TMX1: variants seen among roughly 807,000 people sequenced by gnomAD.
TMX1 encodes the protein thioredoxin related transmembrane protein 1, also known as thioredoxin-related transmembrane protein 1.
In TMX1, 25 loss-of-function variants were observed where a neutral mutation model predicts 36.6. That is an observed-to-expected ratio of 0.68 (90% CI 0.50 to 0.95). TMX1 has a LOEUF of 0.95. Ranked by LOEUF, TMX1 falls within the 40% of genes least tolerant of loss-of-function variation. TMX1 has a pLI of 0.00. For synonymous variants in TMX1, 133 were observed against 118.0 expected (o/e 1.13, Z -0.82); for missense variants, 347 against 339.6 (o/e 1.02, Z -0.17).
intron 4 of TMX1, among the ~76,000 whole-genome samples, chr14:51,247,889 A>G (rs565912636): frequency 6.6e-6 from 1 of 152,290 alleles, no homozygotes; most frequent in Admixed American, 6.5e-5. Context: ...TCAAACTTGT[A>G]CTCATGCTAC....
intron 2 of TMX1, 94 bp downstream of exon 2, chr14:51,244,065 C>G (rs2065774686): frequency 9.5e-7 from 1 of 1,056,708 alleles, no homozygotes. Flanking sequence ...TTCTACCTTT[C>G]TTTAGGTTTT....
At chr14:51,242,299 G>T (rs7149337) in intron 1 of TMX1, among the ~76,000 whole-genome samples, 72,593 of 151,920 alleles carry the variant, frequency 0.48, 18,036 homozygotes, top group Non-Finnish European at 0.55. Flanking sequence ...GTTTTAGATC[G>T]TGCCTGTAAA....
rs1262263809 is a variant in TMX1, at chr14:51,254,437, A to G, written c.761A>G (p.Lys254Arg). The G allele has an allele frequency of 1.9e-6, 3 of 1,612,450 alleles. No homozygotes were observed. Among genetic ancestry groups the G allele is most frequent in the Non-Finnish European group, 2.5e-6 (3 of 1,179,374 alleles). The change falls in exon 8 of 8, where the codon AAA becomes AGA. Residue 254 changes from lysine (K) to arginine (R), a missense_variant. By Grantham distance (26) the Lys-to-Arg change is conservative. Coordinates refer to ENST00000457354, the MANE Select transcript of TMX1 (RefSeq NM_030755.5). ...EDVSEEEAES[K>R]EGTNKDFPQN... ...GTTTCAGAAGAAGAAGCTGAAAGTA[A>G]AGAAGGAACAAACAAAGACTTTCCA...
Position 51,243,935 on chromosome 14 carries a change from G to A in TMX1, c.232G>A (p.Val78Ile), listed in dbSNP as rs761444153. The A allele has an allele frequency of 1.7e-5, 28 of 1,612,146 alleles. No individual in the cohort carries two copies. The Middle Eastern group carries it at 6.6e-4, about 38-fold the overall frequency. Residue 78 changes from valine (V) to isoleucine (I), a missense_variant, in exon 2 of 8, where the codon GTT becomes ATT. Coordinates refer to ENST00000457354, the MANE Select transcript of TMX1 (RefSeq NM_030755.5). ...SFAEWGEDLE[V>I]NIAKVDVTEQ... ...TGCTGAATGGGGAGAAGATCTTGAG[G>A]TTAATATTGCGAAAGTAGATGTCAC...
At position 51,256,725 on chromosome 14, in the gene TMX1, C is replaced by A. The variant is rs558362553; in HGVS notation, c.*2206C>A. ...GGCTACATCTAACAGCTGCCATTTA[C>A]CAAGTACCTACTGGAGCTTTGTTGT... On this transcript the variant is annotated 3_prime_UTR_variant, in exon 8 of 8. Transcript: ENST00000457354. The A allele has an allele frequency of 6.6e-6, 1 of 152,118 alleles. No homozygotes were observed. Among genetic ancestry groups the A allele is most frequent in the Admixed American group, 6.5e-5 (1 of 15,268 alleles). The allele number at this position is 152,118 out of a possible 1,614,324, so 9.4% of individuals were successfully genotyped here. A position where few individuals can be genotyped will look rare whatever the true frequency, so the allele number is the denominator to read the frequency against.
chr14:51,256,903 TG>T lies in TMX1; in HGVS notation c.*2385del, dbSNP rs1368258105. 1 of 152,164 alleles carries T rather than the reference TG, an allele frequency of 6.6e-6. No individual in the cohort carries two copies. The highest frequency in any genetic ancestry group is 1.5e-5 in the Non-Finnish European group (1 of 68,024). 9.4% of individuals were successfully genotyped at this position (152,164 alleles called of 1,614,324 possible). ...ATCTTTTTTTGTTTGTTTTTGTTTT[TG>T]TTTTTTTTCTTCAGTGTGGGTACAT... is the stretch of plus-strand genomic sequence containing the variant. On this transcript the variant is annotated 3_prime_UTR_variant, in exon 8 of 8. Transcript: ENST00000457354.
intron 7 of TMX1, among the ~76,000 whole-genome samples, chr14:51,253,147 C>T (rs1257982474): frequency 6.6e-6 from 1 of 152,138 alleles, no homozygotes; most frequent in African/African-American, 2.4e-5. Flanking sequence ...GTTTCTCAGC[C>T]TTGACACTAT....
At chr14:51,244,021 T>C (rs1199791116) in intron 2 of TMX1, 50 bp downstream of exon 2, 3 of 1,440,500 alleles carry the variant, frequency 2.1e-6, no homozygotes, top group East Asian at 2.4e-5. Context: ...TGGGTTGATA[T>C]ATTTATCCTT....
At chr14:51,247,349 TTGA>T in intron 4 of TMX1, 129 bp downstream of exon 4, 1 of 864,948 alleles carries the variant, frequency 1.2e-6, no homozygotes, top group Non-Finnish European at 1.6e-6. Context: ...TATTACATGT[TTGA>T]TTTTTTTTTT....
chr14:51,246,655 T>A (rs900924502), intron 3 of TMX1, among the ~76,000 whole-genome samples: 2 of 152,242 alleles, frequency 1.3e-5, no homozygotes, highest in Non-Finnish European at 2.9e-5. Context: ...GCAGGGTGTC[T>A]GAGGTGATGC....
At chr14:51,247,032 C>A in intron 3 of TMX1, 60 bp from the exon 4 acceptor site, 1 of 1,464,754 alleles carries the variant, frequency 6.8e-7, no homozygotes. Context: ...GAAAAAATAG[C>A]AAAATAAATA....
intron 3 of TMX1, 67 bp downstream of exon 3, chr14:51,245,425 T>C (rs1459217925): frequency 6.3e-7 from 1 of 1,598,836 alleles, no homozygotes; most frequent in Non-Finnish European, 8.5e-7. Flanking sequence ...GTAGTAGGCC[T>C]CTGGCTTGGA....
At chr14:51,245,901 A>G (rs1184779689) in intron 3 of TMX1, 2 of 176,492 alleles carry the variant, frequency 1.1e-5, no homozygotes, top group African/African-American at 4.8e-5. Context: ...AGAATGAGCA[A>G]GATTATGTAG....
At chr14:51,244,035 T>C in intron 2 of TMX1, 64 bp downstream of exon 2, 1 of 1,322,436 alleles carries the variant, frequency 7.6e-7, no homozygotes, top group Non-Finnish European at 1.0e-6. Context: ...TATCCTTTTT[T>C]CTACATTGCA....
At chr14:51,246,164 C>T (rs2065784665) in intron 3 of TMX1, among the ~76,000 whole-genome samples, 1 of 152,102 alleles carries the variant, frequency 6.6e-6, no homozygotes, top group Non-Finnish European at 1.5e-5. Flanking sequence ...GTGCTTCTGT[C>T]CTGCCCTTCT....
At chr14:51,252,334 T>A (rs2065818001) in intron 7 of TMX1, among the ~76,000 whole-genome samples, 2 of 115,822 alleles carry the variant, frequency 1.7e-5, no homozygotes, top group East Asian at 5.0e-4. Flanking sequence ...GTAAAGGGTT[T>A]TTTGAATGCC....
At chr14:51,245,640 C>T in intron 3 of TMX1, 1 of 549,352 alleles carries the variant, frequency 1.8e-6, no homozygotes, top group Non-Finnish European at 3.0e-6. Context: ...ATTATGCATC[C>T]AAAGTAGTGG....
chr14:51,243,882 A>G lies in TMX1; in HGVS notation c.179A>G (p.Gln60Arg). Residue 60 changes from glutamine to arginine, a missense_variant, in exon 2 of 8, where the codon CAA (glutamine) becomes CGA (arginine). By Grantham distance (43) the Gln-to-Arg change is conservative. Coordinates refer to ENST00000457354, the MANE Select transcript of TMX1 (RefSeq NM_030755.5). ...TATGCCCCGTGGTGCCCTGCTTGTC[A>G]AAATCTTCAACCGGAATGGGAAAGT... ...EFYAPWCPAC[Q>R]NLQPEWESFA... The G allele has an allele frequency of 1.2e-6, 2 of 1,611,308 alleles. No homozygotes were observed. The highest frequency in any genetic ancestry group is 2.2e-5 in the South Asian group (2 of 90,216).
At chr14:51,245,760 G>A (rs111503296) in intron 3 of TMX1, 21,476 of 318,064 alleles carry the variant, frequency 0.068, 930 homozygotes, top group Non-Finnish European at 0.095. Flanking sequence ...AGAGTGGAGC[G>A]TAAGCATTTT....
Sources: allele counts gnomAD v4.1 joint callset (sites outside exome capture counted in the v4.1 genomes callset), GRCh38; gene constraint gnomAD v4.1.1; transcripts MANE v1.5; gene names NCBI Gene and HGNC (gene_info 2026-07-23, HGNC 2026-07-21).